Variants in PKD1L1 observed in about 807,000 individuals in gnomAD.
The protein encoded by PKD1L1 is polycystin-1-like protein 1.
PKD1L1 carries 236 observed loss-of-function variants against 323.4 expected under a neutral mutation model. That is an observed-to-expected ratio of 0.73 (90% CI 0.66 to 0.81). The LOEUF (loss-of-function observed/expected upper bound fraction) is 0.81. Among genes scored for constraint, PKD1L1 ranks in the 40% least tolerant of loss-of-function variants. The pLI is 0.00. For missense variants in PKD1L1, 3,320 were observed against 3,508.0 expected (o/e 0.95, Z 1.35); for synonymous variants, 1,344 against 1,335.0 (o/e 1.01, Z -0.15).
At position 47,905,930 on chromosome 7, in the gene PKD1L1, G is replaced by T. The variant is rs749201727; in HGVS notation, c.1435C>A (p.Pro479Thr). The T allele has an allele frequency of 3.7e-6, 6 of 1,612,000 alleles. No homozygotes were observed. Among genetic ancestry groups the T allele is most frequent in the Non-Finnish European group, 5.1e-6 (6 of 1,179,276 alleles). The change falls in exon 10 of 57, where the codon CCT (proline) becomes ACT (threonine). Residue 479 changes from proline (P) to threonine (T), a missense_variant. Coordinates refer to ENST00000289672, the MANE Select transcript of PKD1L1 (RefSeq NM_138295.5). ...GAAATAAAGGACACGTTATATGAAG[G>T]AATAGATGGAAAGTGATGTATAACC... is the stretch of plus-strand genomic sequence containing the variant. The part of the protein sequence containing the change: ...TVVIHHFPSI[P>T]SYNVSFISQT...
intron 20 of PKD1L1, 24 bp downstream of exon 20, chr7:47,881,885 A>G: frequency 6.5e-7 from 1 of 1,539,152 alleles, no homozygotes; most frequent in Non-Finnish European, 8.7e-7. Flanking sequence ...TGCAAATTGG[A>G]GGGTACAAAG....
intron 31 of PKD1L1, 52 bp downstream of exon 31, chr7:47,853,075 A>T: frequency 8.4e-7 from 1 of 1,183,610 alleles, no homozygotes; most frequent in Non-Finnish European, 1.3e-6. Flanking sequence ...GTTATAGGGG[A>T]TGTTTTAATC....
intron 1 of PKD1L1, among the ~76,000 whole-genome samples, chr7:47,947,797 C>A (rs1376031587): frequency 6.6e-6 from 1 of 152,124 alleles, no homozygotes; most frequent in African/African-American, 2.4e-5. Flanking sequence ...GAAACCCCGT[C>A]TCTACTAAAA....
intron 7 of PKD1L1, among the ~76,000 whole-genome samples, chr7:47,923,662 TA>T (rs1787601514): frequency 6.6e-6 from 1 of 150,944 alleles, no homozygotes; most frequent in African/African-American, 2.4e-5. Context: ...AATAAATAAA[TA>T]AATAAATAAT....
intron 26 of PKD1L1, among the ~76,000 whole-genome samples, chr7:47,860,509 G>C (rs1482996942): frequency 6.6e-6 from 1 of 152,136 alleles, no homozygotes; most frequent in Admixed American, 6.5e-5. Flanking sequence ...TAATGGCTTA[G>C]ATATACCTTT....
Position 47,946,905 on chromosome 7 carries a change from A to T in PKD1L1, c.44+1492T>A. ...AGATGTATAAATATACAGGGGAAAAAACATCAAGTCAGCGACTTCCGCTCC... is the reference window on the plus strand; with the variant it reads ...AGATGTATAAATATACAGGGGAAAATACATCAAGTCAGCGACTTCCGCTCC... On this transcript the variant is annotated intron_variant, in intron 1 of 56. Transcript: ENST00000289672. The surrounding 1 kb of genome is among the most constrained non-coding windows in gnomAD (Gnocchi z 4.1). Among the ~76,000 whole-genome samples, 1 of 138,806 alleles carries T rather than the reference A, an allele frequency of 7.2e-6. No individual in the cohort carries two copies. The highest frequency in any genetic ancestry group is 1.5e-5 in the Non-Finnish European group (1 of 67,928). 91.1% of individuals were successfully genotyped at this position (138,806 alleles called of 152,430 possible). A position where few individuals can be genotyped will look rare whatever the true frequency, so the allele number is the denominator to read the frequency against.
intron 2 of PKD1L1, among the ~76,000 whole-genome samples, chr7:47,942,160 C>A (rs1379653215): frequency 2.0e-5 from 3 of 152,160 alleles, no homozygotes; most frequent in African/African-American, 7.2e-5. Context: ...CTCGTCTTCC[C>A]TGCTATATAA....
At chr7:47,826,583 G>C (rs1264902829) in intron 45 of PKD1L1, among the ~76,000 whole-genome samples, 1 of 152,154 alleles carries the variant, frequency 6.6e-6, no homozygotes, top group Non-Finnish European at 1.5e-5. Flanking sequence ...AAAACTATCA[G>C]AAATTCCCAA....
Position 47,852,265 on chromosome 7 carries a change from G to A in PKD1L1, c.4960+862C>T, listed in dbSNP as rs559647114. Among the ~76,000 whole-genome samples the A allele has an allele frequency of 2.8e-3, 427 of 152,138 alleles. 2 individuals are homozygous for A. The highest frequency in any genetic ancestry group is 9.7e-3 in the African/African-American group (401 of 41,468). On this transcript the variant is annotated intron_variant, in intron 31 of 56. Transcript: ENST00000289672. ...AAAAGGATATGGGTATATGTTGTGC[G>A]TATTTTTCTAATTTTCTATCAGCTT...
intron 56 of PKD1L1, among the ~76,000 whole-genome samples, chr7:47,791,302 T>C (rs1250618196): frequency 2.0e-5 from 3 of 152,202 alleles, no homozygotes; most frequent in Non-Finnish European, 2.9e-5. Context: ...TGCAGAATTT[T>C]CCCAAATATG....
chr7:47,855,345 G>A (rs537758068), intron 28 of PKD1L1, 80 bp from the exon 29 acceptor site: 170 of 966,298 alleles, frequency 1.8e-4, no homozygotes, highest in Middle Eastern at 5.0e-4. Context: ...CCAAAGTATC[G>A]TGGTGCTGCT....
chr7:47,841,385 T>C (rs944068696), intron 34 of PKD1L1, among the ~76,000 whole-genome samples: 1 of 152,206 alleles, frequency 6.6e-6, no homozygotes, highest in Non-Finnish European at 1.5e-5. Flanking sequence ...AGTTTCAAAA[T>C]AAGCCTGGAT....
Position 47,840,420 on chromosome 7 carries a change from CCTCT to C in PKD1L1, c.5552+37_5552+40del, listed in dbSNP as rs754723820. On this transcript the variant is annotated intron_variant, in intron 35 of 56. Coordinates refer to ENST00000289672, the MANE Select transcript of PKD1L1 (RefSeq NM_138295.5). This position sits in a 1 kb window ranked among gnomAD's most constrained non-coding sequence, Gnocchi z 4.1. ...ATAAGGTTACACCAATTCTGATTGG[CCTCT>C]CTTTCCCAAATCTAGCAGTGAAATA... 6.9e-7 allele frequency: 1 copy of C among 1,453,938 alleles called. No homozygotes were observed. Among genetic ancestry groups the C allele is most frequent in the South Asian group, 1.1e-5 (1 of 87,336 alleles). 90.1% of individuals were successfully genotyped at this position (1,453,938 alleles called of 1,614,324 possible).
intron 23 of PKD1L1, among the ~76,000 whole-genome samples, chr7:47,874,343 G>C (rs1045858180): frequency 1.3e-5 from 2 of 152,168 alleles, no homozygotes; most frequent in African/African-American, 4.8e-5. Context: ...AGGGGTGCAG[G>C]GCTGTGGTGA....
chr7:47,820,595 C>CA (rs1785118813), intron 46 of PKD1L1, among the ~76,000 whole-genome samples: 1 of 152,158 alleles, frequency 6.6e-6, no homozygotes. Context: ...AGCGTGGTGG[C>CA]ACATGCCTGT....
intron 8 of PKD1L1, among the ~76,000 whole-genome samples, chr7:47,911,850 C>T (rs9648570): frequency 6.7e-6 from 1 of 149,812 alleles, no homozygotes; most frequent in African/African-American, 2.5e-5. Flanking sequence ...TGTGTGTACG[C>T]AACACACACA....
Position 47,885,978 on chromosome 7 carries a change from C to A in PKD1L1, c.2913G>T (p.Leu971=). 2 of 1,614,154 alleles carry A rather than the reference C, an allele frequency of 1.2e-6. No homozygotes were observed. Among genetic ancestry groups the A allele is most frequent in the Non-Finnish European group, 1.7e-6 (2 of 1,180,026 alleles). ...CTGCAGTGCCAGGCTCAGTGGGCAG[C>A]AGGTTTAACTGTGATGACTCTGAAA... is the stretch of plus-strand genomic sequence containing the variant. The part of the protein sequence containing the change: ...GAISESSQLN[L]LPTEPGTADP... Residue 971 remains leucine, a synonymous_variant, in exon 18 of 57, where the codon CTG becomes CTT. Transcript: ENST00000289672.
chr7:47,799,280 C>T (rs1433413744), intron 54 of PKD1L1, among the ~76,000 whole-genome samples: 1 of 152,060 alleles, frequency 6.6e-6, no homozygotes, highest in Non-Finnish European at 1.5e-5. Context: ...CATGGATGAG[C>T]AAGAGTAGGG....
rs1784996508 is a variant in PKD1L1 at position 47,815,463 on chromosome 7, T to C, written c.6966-6A>G. 2.5e-6 allele frequency: 4 copies of C among 1,610,370 alleles called. No individual in the cohort carries two copies. Among genetic ancestry groups the C allele is most frequent in the Non-Finnish European group, 3.4e-6 (4 of 1,178,830 alleles). ...CCAAGCAGTTTCTGGCATTTCTTAA[T>C]GCAAGAACAAAAATAAAAAGTTGCT... On this transcript the variant is annotated splice_region_variant and splice_polypyrimidine_tract_variant and intron_variant, in intron 46 of 56. Transcript: ENST00000289672.
Sources: allele counts gnomAD v4.1 joint callset (sites outside exome capture counted in the v4.1 genomes callset), GRCh38; gene constraint gnomAD v4.1.1; non-coding constraint Gnocchi (gnomAD v3.1); transcripts MANE v1.5; gene names NCBI Gene and HGNC (gene_info 2026-07-23, HGNC 2026-07-21).